Variants in MCCC1 observed in about 807,000 individuals in gnomAD.
MCCC1 encodes methylcrotonoyl-CoA carboxylase subunit alpha, mitochondrial.
Under a neutral mutation model 83.8 loss-of-function variants are expected in MCCC1, and 64 were observed. The ratio of observed to expected loss-of-function variants is 0.76; its 90% confidence interval spans 0.62 to 0.94. MCCC1 has a LOEUF of 0.94. Ranked by LOEUF, MCCC1 falls within the 40% of genes least tolerant of loss-of-function variation. The pLI, the probability that MCCC1 is intolerant of heterozygous loss-of-function variation, is 0.00. For synonymous variants in MCCC1, 322 were observed against 315.4 expected (o/e 1.02, Z -0.22); for missense variants, 807 against 904.7 (o/e 0.89, Z 1.39).
intron 13 of MCCC1, among the ~76,000 whole-genome samples, chr3:183,034,538 G>C (rs1212209915): frequency 3.3e-5 from 5 of 151,368 alleles, no homozygotes; most frequent in Admixed American, 2.0e-4. Context: ...AAGTTTAAAG[G>C]GCTGGTTTTG....
chr3:183,022,719 T>C (rs769010338), intron 15 of MCCC1, 165 bp from the exon 16 acceptor site: 25 of 620,618 alleles, frequency 4.0e-5, no homozygotes, highest in Non-Finnish European at 6.2e-5. Context: ...CCCCTATTCC[T>C]AACCAAGATA....
At chr3:183,057,549 A>G (rs1715517094) in intron 7 of MCCC1, 127 bp from the exon 8 acceptor site, 1 of 797,916 alleles carries the variant, frequency 1.3e-6, no homozygotes. Flanking sequence ...GTAAGATCTG[A>G]TATTTTGACC....
chr3:183,114,785 C>T (rs1719562903), intron 1 of MCCC1, among the ~76,000 whole-genome samples: 1 of 152,096 alleles, frequency 6.6e-6, no homozygotes, highest in Non-Finnish European at 1.5e-5. Context: ...GGAGTGACCA[C>T]CCTTAGCCTC....
At chr3:183,042,657 TA>T (rs869217150) in intron 10 of MCCC1, among the ~76,000 whole-genome samples, 7 of 2,300 alleles carry the variant, frequency 3.0e-3, no homozygotes, top group African/African-American at 3.6e-3. Flanking sequence ...GGAACTAAGT[TA>T]AATACCTTTA....
intron 3 of MCCC1, among the ~76,000 whole-genome samples, chr3:183,088,797 ACT>A (rs1267441430): frequency 3.9e-5 from 6 of 151,988 alleles, no homozygotes; most frequent in Admixed American, 6.6e-5. Flanking sequence ...TGTCTTGGGA[ACT>A]CTTTTTCTTG....
In MCCC1 at chr3:183,075,545, C is replaced by CT. The variant is rs35554340; in HGVS notation, c.370-3059dup. Among the ~76,000 whole-genome samples the CT allele has an allele frequency of 4.0e-3, 473 of 117,140 alleles. 1 individual carries two copies. Among genetic ancestry groups the CT allele is most frequent in the Non-Finnish European group, 5.5e-3 (273 of 49,922 alleles). 76.8% of individuals were successfully genotyped at this position (117,140 alleles called of 152,430 possible). ...AGTGCCTGTTCATGTCCTTTGCCCACTTTTTTTTTTTTTGAGACAGAGTCT... is the reference window on the plus strand; with the variant it reads ...AGTGCCTGTTCATGTCCTTTGCCCACTTTTTTTTTTTTTTGAGACAGAGTCT... On this transcript the variant is annotated intron_variant, in intron 4 of 18. Transcript: ENST00000265594.
At position 183,052,313 on chromosome 3, in the gene MCCC1, A is replaced by G; in HGVS notation, c.874-73T>C. 3.9e-6 allele frequency: 5 copies of G among 1,291,522 alleles called. No homozygotes were observed. The South Asian group carries it at 4.8e-5, about 12-fold the overall frequency. The allele number at this position is 1,291,522 out of a possible 1,614,324, so 80.0% of individuals were successfully genotyped here. A position where few individuals can be genotyped will look rare whatever the true frequency, so the allele number is the denominator to read the frequency against. ...TAGAAATTCCATTAAAATTCAATTCAGTCAGGTGCCACATAATGACGTTTC... is the reference window on the plus strand; with the variant it reads ...TAGAAATTCCATTAAAATTCAATTCGGTCAGGTGCCACATAATGACGTTTC... On this transcript the variant is annotated intron_variant, in intron 8 of 18. Transcript: ENST00000265594.
chr3:183,095,036 C>G (rs1339396194), intron 1 of MCCC1, among the ~76,000 whole-genome samples: 1 of 152,158 alleles, frequency 6.6e-6, no homozygotes, highest in Non-Finnish European at 1.5e-5. Flanking sequence ...GTAATCCCAG[C>G]ACTTTGGGAA....
intron 7 of MCCC1, among the ~76,000 whole-genome samples, chr3:183,062,433 C>A (rs1223018724): frequency 6.7e-6 from 1 of 148,314 alleles, no homozygotes; most frequent in Non-Finnish European, 1.5e-5. Flanking sequence ...CAGCTCACTG[C>A]AACCTCCACC....
chr3:183,091,808 G>C (rs1718362475), intron 3 of MCCC1, among the ~76,000 whole-genome samples: 1 of 152,200 alleles, frequency 6.6e-6, no homozygotes, highest in Non-Finnish European at 1.5e-5. Flanking sequence ...GGAGGCCAAG[G>C]TGGGCGGATC....
intron 14 of MCCC1, among the ~76,000 whole-genome samples, chr3:183,026,835 TG>T (rs1712648229): frequency 6.6e-6 from 1 of 152,232 alleles, no homozygotes; most frequent in South Asian, 2.1e-4. Context: ...AGCCATTAAA[TG>T]GGTATAAAAA....
intron 9 of MCCC1, 138 bp downstream of exon 9, chr3:183,052,021 T>C: frequency 1.4e-6 from 1 of 735,880 alleles, no homozygotes; most frequent in East Asian, 2.7e-5. Context: ...TAAGTCTCAA[T>C]ATAAAATGTA....
rs1453501166 is a variant in MCCC1, at chr3:183,086,779, C to T, written c.283G>A (p.Ala95Thr). 1.2e-6 allele frequency: 2 copies of T among 1,613,788 alleles called. No homozygotes were observed. The highest frequency in any genetic ancestry group is 1.7e-6 in the Non-Finnish European group (2 of 1,179,906). The change falls in exon 4 of 19, where the codon GCA (alanine) becomes ACA (threonine). Residue 95 changes from alanine (A) to threonine (T), a missense_variant. Coordinates refer to ENST00000265594, the MANE Select transcript of MCCC1 (RefSeq NM_020166.5). ...NSMHVDMADE[A>T]YSIGPAPSQQ... The stretch of plus-strand genomic sequence containing the variant: ...GAGGGAGCGGGGCCGATGGAATATG[C>T]TTCATCTGCCTGTTTAAGAAACATC...
upstream of MCCC1, among the ~76,000 whole-genome samples, chr3:183,101,057 G>C (rs1189837414): frequency 1.3e-5 from 2 of 152,258 alleles, no homozygotes; most frequent in African/African-American, 4.8e-5. Context: ...GGCTGCGGAG[G>C]GTGTACTGAG....
In MCCC1 at chr3:183,017,309, T is replaced by G. The variant is rs1711724351; in HGVS notation, c.2006A>C (p.Lys669Thr). The G allele has an allele frequency of 6.2e-7, 1 of 1,614,010 alleles. No homozygotes were observed. Reference sequence around the variant, plus strand: ...CATAACCATGAGGGAATCTCCCGCTTTCACTTTGTCTCCAGCTTTGACAAA... The same window carrying G: ...CATAACCATGAGGGAATCTCCCGCTGTCACTTTGTCTCCAGCTTTGACAAA... ...KVFVKAGDKV[K>T]AGDSLMVMIA... Residue 669 changes from lysine to threonine, a missense_variant, in exon 18 of 19, where the codon AAA becomes ACA. Coordinates refer to ENST00000265594, the MANE Select transcript of MCCC1 (RefSeq NM_020166.5).
chr3:183,032,239 C>CA (rs1301477890), intron 14 of MCCC1, among the ~76,000 whole-genome samples: 1 of 152,054 alleles, frequency 6.6e-6, no homozygotes, highest in Non-Finnish European at 1.5e-5. Context: ...AGAGCCATGC[C>CA]AAATAACACA....
chr3:183,015,432 T>G lies in MCCC1; in HGVS notation c.*6A>C, dbSNP rs199827064. Reference sequence around the variant, plus strand: ...ACTACTTAACTGGCCATTTCCTTGCTGGAGTTTATTCCGATTCCCTTTTGT... The same window carrying G: ...ACTACTTAACTGGCCATTTCCTTGCGGGAGTTTATTCCGATTCCCTTTTGT... On this transcript the variant is annotated 3_prime_UTR_variant, in exon 19 of 19. Transcript: ENST00000265594. 270 of 1,614,216 alleles carry G rather than the reference T, an allele frequency of 1.7e-4. 1 individual carries two copies. In the African/African-American group the frequency reaches 3.3e-3, roughly 20 times the overall value.
At chr3:183,080,250 G>T (rs993956778) in intron 4 of MCCC1, among the ~76,000 whole-genome samples, 1 of 152,124 alleles carries the variant, frequency 6.6e-6, no homozygotes, top group Non-Finnish European at 1.5e-5. Context: ...GAACTTTTAT[G>T]CTCTGCTTCC....
At chr3:183,071,805 G>A (rs1459859421) in intron 5 of MCCC1, among the ~76,000 whole-genome samples, 1 of 150,890 alleles carries the variant, frequency 6.6e-6, no homozygotes, top group Admixed American at 6.6e-5. Flanking sequence ...GAGCTCAAGT[G>A]ATCCTTCTGC....
Sources: gnomAD v4.1 joint callset for allele counts (sites outside exome capture counted in the v4.1 genomes callset) on GRCh38, gnomAD v4.1.1 for gene constraint, MANE v1.5 for transcripts, NCBI Gene and HGNC (gene_info 2026-07-23, HGNC 2026-07-21) for gene names.